NCKAP5: variants seen among roughly 807,000 people sequenced by gnomAD.
The protein encoded by NCKAP5 is nck-associated protein 5.
In NCKAP5, 92 loss-of-function variants were observed where a neutral mutation model predicts 167.0. The observed-to-expected ratio is 0.55, with a 90% CI of 0.47 to 0.66. The LOEUF (loss-of-function observed/expected upper bound fraction) is 0.66, where lower values mean the gene tolerates loss of function less well. NCKAP5 is among the 30% of genes least tolerant of loss of function. The probability of loss-of-function intolerance (pLI) is 0.00; values close to 1 mark genes in which losing one functional copy is unlikely to be tolerated. For synonymous variants in NCKAP5, 891 were observed against 877.4 expected (o/e 1.02, Z -0.27); for missense variants, 2,378 against 2,315.0 (o/e 1.03, Z -0.56).
chr2:132,976,714 C>T (rs2076988354), intron 7 of NCKAP5, among the ~76,000 whole-genome samples: 1 of 151,624 alleles, frequency 6.6e-6, no homozygotes, highest in Admixed American at 6.6e-5. Context: ...TTGATCTAGC[C>T]ATTCACAATG....
chr2:133,559,472 C>A (rs1336562848), intron 1 of NCKAP5, among the ~76,000 whole-genome samples: 1 of 152,110 alleles, frequency 6.6e-6, no homozygotes, highest in Admixed American at 6.5e-5. Context: ...GTGCACATCA[C>A]CATGCCCAGG....
intron 19 of NCKAP5, among the ~76,000 whole-genome samples, chr2:132,710,896 C>T (rs1204195278): frequency 2.0e-5 from 3 of 152,034 alleles, no homozygotes; most frequent in East Asian, 1.9e-4. Context: ...AAAAAAGATC[C>T]GTCTTTTTAA....
chr2:133,531,838 C>T (rs1685390034), intron 2 of NCKAP5, among the ~76,000 whole-genome samples: 2 of 152,120 alleles, frequency 1.3e-5, no homozygotes, highest in African/African-American at 4.8e-5. Flanking sequence ...GTACCTACTA[C>T]CCTGTATTTA....
At chr2:133,228,833 C>A (rs1393133051) in intron 4 of NCKAP5, among the ~76,000 whole-genome samples, 5 of 152,110 alleles carry the variant, frequency 3.3e-5, no homozygotes, top group African/African-American at 1.2e-4. Flanking sequence ...AAAGAGAAAG[C>A]CAGACTTCCC....
At chr2:133,618,140 T>C in the NCKAP5 span, among the ~76,000 whole-genome samples, 3 of 151,844 alleles carry the variant, frequency 2.0e-5, no homozygotes, top group African/African-American at 4.8e-5. Context: ...TTACACCTTA[T>C]ACAAAAATCA....
At chr2:133,217,980 A>C (rs2150190467) in intron 4 of NCKAP5, among the ~76,000 whole-genome samples, 1 of 152,230 alleles carries the variant, frequency 6.6e-6, no homozygotes, top group Admixed American at 6.5e-5. Flanking sequence ...TAAATTCCTA[A>C]GTAAGAGCAC....
At chr2:133,262,855 T>C (rs747619274) in intron 4 of NCKAP5, among the ~76,000 whole-genome samples, 26 of 152,180 alleles carry the variant, frequency 1.7e-4, no homozygotes, top group Non-Finnish European at 2.5e-4. Context: ...AAATATTTAC[T>C]GGGTGATGGC....
Position 132,784,578 on chromosome 2 carries a change from T to C in NCKAP5, c.2233A>G (p.Lys745Glu). Reference sequence around the variant, plus strand: ...CTGGGAACATTATCTACATTATCTTTTGGAATGTTTTTCTCAGTGTCCTCT... The same window carrying C: ...CTGGGAACATTATCTACATTATCTTCTGGAATGTTTTTCTCAGTGTCCTCT... ...SEEDTEKNIP[K>E]DNVDNVPRVS... Residue 745 changes from lysine (K) to glutamate (E), a missense_variant, in exon 14 of 20, where the codon AAA becomes GAA. By Grantham distance (56) the Lys-to-Glu change is moderately conservative. Around this residue, in one of 3 missense-constraint regions of NCKAP5, gnomAD observed 1,049 missense variants for 1,023.4 expected, o/e 1.02. Transcript: ENST00000409261. 1.9e-6 allele frequency: 3 copies of C among 1,588,640 alleles called. No homozygotes were observed. Among genetic ancestry groups the C allele is most frequent in the Non-Finnish European group, 2.6e-6 (3 of 1,165,976 alleles).
At chr2:133,230,553 C>A (rs766023483) in intron 4 of NCKAP5, among the ~76,000 whole-genome samples, 28 of 152,120 alleles carry the variant, frequency 1.8e-4, no homozygotes, top group Non-Finnish European at 4.0e-4. Flanking sequence ...ACACTGGTCA[C>A]CCTGAGAGCT....
At chr2:133,032,428 C>T (rs2078909344) in intron 6 of NCKAP5, among the ~76,000 whole-genome samples, 1 of 152,264 alleles carries the variant, frequency 6.6e-6, no homozygotes, top group Non-Finnish European at 1.5e-5. Context: ...GGTCTGAGTG[C>T]CAGCTCAGCC....
At chr2:133,530,969 C>A (rs1287558204) in intron 2 of NCKAP5, among the ~76,000 whole-genome samples, 1 of 152,068 alleles carries the variant, frequency 6.6e-6, no homozygotes, top group Non-Finnish European at 1.5e-5. Context: ...TAGGTGAGAA[C>A]AACAAAAGAA....
intron 4 of NCKAP5, among the ~76,000 whole-genome samples, chr2:133,228,796 A>C (rs947396407): frequency 2.6e-5 from 4 of 152,208 alleles, no homozygotes; most frequent in Admixed American, 2.6e-4. Flanking sequence ...TTTTAAAAGA[A>C]TGTCCATTGT....
At chr2:133,113,562 G>C (rs564339404) in intron 6 of NCKAP5, among the ~76,000 whole-genome samples, 5 of 152,338 alleles carry the variant, frequency 3.3e-5, no homozygotes, top group South Asian at 2.1e-4. Flanking sequence ...CCTTCCACCA[G>C]GTGTGGGTTT....
At chr2:133,564,020 G>A (rs1688370510) in intron 1 of NCKAP5, among the ~76,000 whole-genome samples, 1 of 152,094 alleles carries the variant, frequency 6.6e-6, no homozygotes, top group South Asian at 2.1e-4. Context: ...TGTAATCACA[G>A]CTAACCAGGA....
chr2:133,626,807 A>C, the NCKAP5 span, among the ~76,000 whole-genome samples: 92 of 152,132 alleles, frequency 6.0e-4, no homozygotes, highest in African/African-American at 1.9e-3. Flanking sequence ...ATACATAGGA[A>C]TTCACTATAC....
the NCKAP5 span, among the ~76,000 whole-genome samples, chr2:133,595,539 G>A: frequency 1.3e-5 from 2 of 151,464 alleles, no homozygotes; most frequent in African/African-American, 2.4e-5. Flanking sequence ...GAAACTGAGG[G>A]AGGTTAGGCA....
chr2:132,678,002 A>G (rs1279191830), intron 19 of NCKAP5, among the ~76,000 whole-genome samples: 2 of 152,048 alleles, frequency 1.3e-5, no homozygotes, highest in African/African-American at 2.4e-5. Flanking sequence ...AAAAATTCAC[A>G]GTAGTTTTTT....
At chr2:133,547,025 CG>C (rs1351214846) in intron 2 of NCKAP5, among the ~76,000 whole-genome samples, 2 of 152,080 alleles carry the variant, frequency 1.3e-5, no homozygotes, top group African/African-American at 2.4e-5. Flanking sequence ...GTGCGCGCAC[CG>C]TGCGCGAGCT....
intron 11 of NCKAP5, among the ~76,000 whole-genome samples, chr2:132,854,060 G>A (rs776419981): frequency 6.6e-6 from 1 of 152,116 alleles, no homozygotes; most frequent in Non-Finnish European, 1.5e-5. Context: ...CATTTATTGA[G>A]GCTCACGTGT....
Sources: gnomAD v4.1 joint callset for allele counts (sites outside exome capture counted in the v4.1 genomes callset) on GRCh38, gnomAD v4.1.1 for gene constraint, gnomAD v4.1.1 regional missense constraint, MANE v1.5 for transcripts, NCBI Gene and HGNC (gene_info 2026-07-23, HGNC 2026-07-21) for gene names.